The following NOS1AP variants were observed in gnomAD, a reference collection of about 807,000 sequenced individuals.
The protein encoded by NOS1AP is carboxyl-terminal PDZ ligand of neuronal nitric oxide synthase protein.
Under a neutral mutation model 56.2 loss-of-function variants are expected in NOS1AP, and 21 were observed. The observed-to-expected ratio is 0.37, with a 90% CI of 0.26 to 0.54. The LOEUF (loss-of-function observed/expected upper bound fraction) is 0.54. NOS1AP is among the 20% of genes least tolerant of loss of function. The pLI, the probability that NOS1AP is intolerant of heterozygous loss-of-function variation, is 0.84. For synonymous variants in NOS1AP, 270 were observed against 274.6 expected, an observed-to-expected ratio of 0.98 and a Z score of 0.17; for missense variants, 522 against 657.8, an observed-to-expected ratio of 0.79 and a Z score of 2.26.
chr1:162,166,764 G>A (rs1650517058), intron 2 of NOS1AP, among the ~76,000 whole-genome samples: 1 of 152,200 alleles, frequency 6.6e-6, no homozygotes, highest in African/African-American at 2.4e-5. Flanking sequence ...AATAATGGGT[G>A]TCACGTCCTT....
chr1:162,337,465 G>A (rs1322240405), intron 5 of NOS1AP, among the ~76,000 whole-genome samples: 1 of 152,190 alleles, frequency 6.6e-6, no homozygotes, highest in Non-Finnish European at 1.5e-5. Flanking sequence ...AAGTTCTAAA[G>A]TTAGGGAAAG....
chr1:162,316,515 A>T (rs1484768154), intron 4 of NOS1AP, among the ~76,000 whole-genome samples: 1 of 152,194 alleles, frequency 6.6e-6, no homozygotes, highest in African/African-American at 2.4e-5. Flanking sequence ...CTCGTGGATT[A>T]TCTTGGCCTT....
intron 7 of NOS1AP, among the ~76,000 whole-genome samples, chr1:162,356,496 G>A (rs1226065416): frequency 6.6e-6 from 1 of 152,178 alleles, no homozygotes; most frequent in Non-Finnish European, 1.5e-5. Context: ...TCCCAACAAG[G>A]GAGAAGGAAC....
intron 2 of NOS1AP, among the ~76,000 whole-genome samples, chr1:162,199,252 C>T (rs574324736): frequency 5.0e-4 from 76 of 152,142 alleles, no homozygotes; most frequent in Non-Finnish European, 8.8e-4. Flanking sequence ...GATGGAATCT[C>T]GCATAGATGT....
At chr1:162,255,373 C>A (rs889496442) in intron 2 of NOS1AP, among the ~76,000 whole-genome samples, 2 of 152,140 alleles carry the variant, frequency 1.3e-5, no homozygotes, top group African/African-American at 4.8e-5. Flanking sequence ...GTGTCCTAGA[C>A]TCTTCCCCAA....
At chr1:162,365,717 A>G (rs997107833) in intron 9 of NOS1AP, 148 bp downstream of exon 9, 2 of 958,936 alleles carry the variant, frequency 2.1e-6, no homozygotes, top group African/African-American at 3.2e-5. Flanking sequence ...TTTTCCCATT[A>G]GTATACTTAA....
At chr1:162,089,900 TA>T (rs1389009789) in intron 1 of NOS1AP, among the ~76,000 whole-genome samples, 3 of 152,224 alleles carry the variant, frequency 2.0e-5, no homozygotes, top group Non-Finnish European at 2.9e-5. Flanking sequence ...TTATAAAAAA[TA>T]AATTTCTGTT....
chr1:162,073,715 C>G (rs7548348), intron 1 of NOS1AP, among the ~76,000 whole-genome samples: 82,490 of 152,146 alleles, frequency 0.54, 23,811 homozygotes, highest in Non-Finnish European at 0.65. Flanking sequence ...CCTGCCCCAG[C>G]CTCCCAAATG....
intron 2 of NOS1AP, among the ~76,000 whole-genome samples, chr1:162,193,493 G>A (rs1651706557): frequency 6.6e-6 from 1 of 152,180 alleles, no homozygotes; most frequent in Non-Finnish European, 1.5e-5. Context: ...AGCTAGACAA[G>A]CAATCAGGTC....
intron 2 of NOS1AP, among the ~76,000 whole-genome samples, chr1:162,190,227 G>C (rs1242430489): frequency 6.6e-6 from 1 of 152,156 alleles, no homozygotes; most frequent in Non-Finnish European, 1.5e-5. Flanking sequence ...TGCTCCCCAT[G>C]ATAGCCCTTC....
chr1:162,243,340 G>A (rs1653555558), intron 2 of NOS1AP, among the ~76,000 whole-genome samples: 1 of 152,146 alleles, frequency 6.6e-6, no homozygotes, highest in Admixed American at 6.5e-5. Flanking sequence ...ATGGGCTCCT[G>A]CATAAAGAGC....
At chr1:162,360,947 G>T (rs1358983327) in intron 8 of NOS1AP, 5 of 456,560 alleles carry the variant, frequency 1.1e-5, no homozygotes, top group African/African-American at 2.0e-5. Context: ...GAGAGTGAGG[G>T]CGCCAATGGT....
chr1:162,145,635 A>G (rs1242801302), intron 1 of NOS1AP, among the ~76,000 whole-genome samples: 1 of 152,220 alleles, frequency 6.6e-6, no homozygotes, highest in African/African-American at 2.4e-5. Context: ...TTCTGCAGGC[A>G]GGGAAGGGCT....
intron 2 of NOS1AP, among the ~76,000 whole-genome samples, chr1:162,275,155 G>A (rs1040450931): frequency 1.3e-5 from 2 of 152,036 alleles, no homozygotes; most frequent in African/African-American, 2.4e-5. Context: ...AGGTCACAAA[G>A]TTTTTTGTTG....
At chr1:162,197,506 C>A (rs1369679117) in intron 2 of NOS1AP, among the ~76,000 whole-genome samples, 1 of 152,184 alleles carries the variant, frequency 6.6e-6, no homozygotes, top group African/African-American at 2.4e-5. Context: ...TGAAATGGAA[C>A]AAGTGAACTG....
intron 1 of NOS1AP, among the ~76,000 whole-genome samples, chr1:162,088,391 T>C (rs1217750563): frequency 6.6e-6 from 1 of 152,280 alleles, no homozygotes; most frequent in African/African-American, 2.4e-5. Context: ...CCTATCATCA[T>C]TGTAATTTTA....
intron 2 of NOS1AP, among the ~76,000 whole-genome samples, chr1:162,204,373 TC>T (rs1239009742): frequency 6.6e-6 from 1 of 152,232 alleles, no homozygotes; most frequent in Admixed American, 6.5e-5. Flanking sequence ...CCTATTTTTG[TC>T]AGTCTTTTGG....
At chr1:162,124,507 G>GACACAC (rs1553257336) in intron 1 of NOS1AP, among the ~76,000 whole-genome samples, 1 of 150,544 alleles carries the variant, frequency 6.6e-6, no homozygotes, top group Admixed American at 6.6e-5. Context: ...GTGTGTGTGT[G>GACACAC]ACACACACAC....
chr1:162,327,068 A>C (rs1656615685), intron 4 of NOS1AP, among the ~76,000 whole-genome samples: 1 of 152,214 alleles, frequency 6.6e-6, no homozygotes, highest in Non-Finnish European at 1.5e-5. Flanking sequence ...GAGAGAACTG[A>C]AACCCTGAAT....
Sources: allele counts gnomAD v4.1 joint callset (sites outside exome capture counted in the v4.1 genomes callset), GRCh38; gene constraint gnomAD v4.1.1; transcripts MANE v1.5; gene names NCBI Gene and HGNC (gene_info 2026-07-23, HGNC 2026-07-21).